Variants in DOCK3 observed in about 807,000 individuals in gnomAD.
DOCK3 encodes the protein dedicator of cytokinesis 3, also known as dedicator of cytokinesis protein 3.
DOCK3 carries 60 observed loss-of-function variants against 265.6 expected under a neutral mutation model. The ratio of observed to expected loss-of-function variants is 0.23; its 90% CI spans 0.18 to 0.28. DOCK3 has a LOEUF of 0.28. Among genes scored for constraint, DOCK3 ranks in the 10% least tolerant of loss-of-function variants. The pLI, the probability that DOCK3 is intolerant of heterozygous loss-of-function variation, is 1.00. For synonymous variants in DOCK3, 881 were observed against 938.0 expected, an observed-to-expected ratio of 0.94 and a Z score of 1.11; for missense variants, 1,981 against 2,594.3, an observed-to-expected ratio of 0.76 and a Z score of 5.14.
intron 27 of DOCK3, among the ~76,000 whole-genome samples, chr3:51,282,133 G>A (rs2081158846): frequency 6.6e-6 from 1 of 152,154 alleles, no homozygotes; most frequent in Admixed American, 6.5e-5. Context: ...CTTCCCAAAA[G>A]AGTCAAAGGC....
At chr3:51,080,046 A>C (rs887955067) in intron 7 of DOCK3, among the ~76,000 whole-genome samples, 1 of 152,248 alleles carries the variant, frequency 6.6e-6, no homozygotes, top group African/African-American at 2.4e-5. Context: ...TAGATTATTT[A>C]CTAAAAATCA....
At chr3:51,221,261 A>G (rs962409490) in intron 14 of DOCK3, among the ~76,000 whole-genome samples, 1 of 152,138 alleles carries the variant, frequency 6.6e-6, no homozygotes, top group African/African-American at 2.4e-5. Context: ...TTCTCCCAGT[A>G]GCTGTTTGTC....
chr3:50,816,700 CTA>C, intron 2 of DOCK3, among the ~76,000 whole-genome samples: 1 of 152,196 alleles, frequency 6.6e-6, no homozygotes, highest in South Asian at 2.1e-4. Context: ...CTAATCTTTT[CTA>C]TGTCTTTATC....
intron 27 of DOCK3, among the ~76,000 whole-genome samples, chr3:51,293,287 C>T (rs1035223304): frequency 2.0e-5 from 3 of 152,084 alleles, no homozygotes; most frequent in Non-Finnish European, 1.5e-5. Context: ...ACACATTGAC[C>T]AATAGAAGAG....
rs1404144891 is a variant in DOCK3 at position 51,106,247 on chromosome 3, T to A, written c.746+15863T>A. On this transcript the variant is annotated intron_variant, in intron 9 of 52. Coordinates refer to ENST00000266037, the MANE Select transcript of DOCK3 (RefSeq NM_004947.5). ...GCTAGCCTCTCCCAGGGCCCCAGCC[T>A]GGCTGTGCCTGCATCAGTGCAGCCC... Among the ~76,000 whole-genome samples, 3 of 152,218 alleles carry A rather than the reference T, an allele frequency of 2.0e-5. No individual in the cohort carries two copies. The East Asian group carries it at 5.8e-4, about 29-fold the overall frequency.
At chr3:51,264,470 C>T (rs987744181) in intron 23 of DOCK3, among the ~76,000 whole-genome samples, 1 of 152,004 alleles carries the variant, frequency 6.6e-6, no homozygotes, top group Admixed American at 6.6e-5. Context: ...AAATTGACAC[C>T]CAAACATCAC....
intron 5 of DOCK3, among the ~76,000 whole-genome samples, chr3:51,053,078 G>GAGATAT (rs1553745810): frequency 3.7e-4 from 16 of 43,802 alleles, no homozygotes; most frequent in Non-Finnish European, 5.1e-4. Flanking sequence ...AAAAGTCAAA[G>GAGATAT]ATATATATAT....
At chr3:51,064,304 A>G in intron 5 of DOCK3, 144 bp from the exon 6 acceptor site, 1 of 1,052,466 alleles carries the variant, frequency 9.5e-7, no homozygotes, top group Non-Finnish European at 1.4e-6. Flanking sequence ...AATGACTTTC[A>G]GACTTTAAAA....
chr3:50,844,898 C>T (rs905621536), intron 3 of DOCK3, among the ~76,000 whole-genome samples: 1 of 152,086 alleles, frequency 6.6e-6, no homozygotes, highest in Non-Finnish European at 1.5e-5. Flanking sequence ...TGCCAAAATG[C>T]CATGTTATGT....
Position 50,907,889 on chromosome 3 carries a change from A to G in DOCK3, c.218+17808A>G, listed in dbSNP as rs150704847. On this transcript the variant is annotated intron_variant, in intron 4 of 52. Coordinates refer to ENST00000266037, the MANE Select transcript of DOCK3 (RefSeq NM_004947.5). ...ATGGTAGGCTATTTATTACTGCCTC[A>G]ATTTCAGAGCTTGTTGTTGGTCTAT... 7.7e-3 allele frequency among the ~76,000 whole-genome samples: 1,165 copies of G among 152,064 alleles called. 22 individuals carry two copies. The highest frequency in any genetic ancestry group is 0.027 in the African/African-American group (1,121 of 41,398).
At chr3:51,020,340 G>T (rs1289387675) in intron 5 of DOCK3, among the ~76,000 whole-genome samples, 3 of 151,672 alleles carry the variant, frequency 2.0e-5, no homozygotes, top group Non-Finnish European at 4.4e-5. Context: ...TCGTAAGTTT[G>T]TTTGAGTTCC....
chr3:51,338,502 A>G, intron 36 of DOCK3, 83 bp downstream of exon 36: 3 of 1,476,038 alleles, frequency 2.0e-6, no homozygotes, highest in Non-Finnish European at 1.9e-6. Flanking sequence ...CCCTTCTACA[A>G]TACATGGCTG....
intron 2 of DOCK3, among the ~76,000 whole-genome samples, chr3:50,779,938 A>G (rs959693841): frequency 3.3e-5 from 5 of 152,186 alleles, no homozygotes; most frequent in African/African-American, 1.2e-4. Context: ...CTCAGATGGT[A>G]TAATGAAGTA....
intron 35 of DOCK3, among the ~76,000 whole-genome samples, chr3:51,337,391 T>C (rs1206049877): frequency 6.6e-6 from 1 of 152,224 alleles, no homozygotes; most frequent in Non-Finnish European, 1.5e-5. Flanking sequence ...TGTACTGCTC[T>C]TCACTGGGCC....
At chr3:50,966,748 G>C (rs1355470537) in intron 5 of DOCK3, among the ~76,000 whole-genome samples, 18 of 152,080 alleles carry the variant, frequency 1.2e-4, no homozygotes, top group Admixed American at 1.2e-3. Context: ...TGCTGATTGG[G>C]TGTCTGCACT....
chr3:51,045,659 A>G (rs924802369), intron 5 of DOCK3, among the ~76,000 whole-genome samples: 2 of 152,062 alleles, frequency 1.3e-5, no homozygotes, highest in African/African-American at 4.8e-5. Context: ...GTCTATTTTT[A>G]TTTCTCATCT....
chr3:50,906,985 C>G (rs976131270), intron 4 of DOCK3, among the ~76,000 whole-genome samples: 1 of 152,138 alleles, frequency 6.6e-6, no homozygotes, highest in Admixed American at 6.5e-5. Flanking sequence ...CAAAGAACAT[C>G]TTTATTTCTG....
intron 5 of DOCK3, among the ~76,000 whole-genome samples, chr3:51,058,224 TG>T (rs1238568973): frequency 6.6e-6 from 1 of 152,210 alleles, no homozygotes; most frequent in African/African-American, 2.4e-5. Context: ...GGCTGAGAAC[TG>T]GCCTAGCTCA....
At chr3:50,854,155 G>A (rs985770885) in intron 3 of DOCK3, among the ~76,000 whole-genome samples, 1 of 151,674 alleles carries the variant, frequency 6.6e-6, no homozygotes, top group Non-Finnish European at 1.5e-5. Context: ...TTTTTAATGG[G>A]GATATTTGTA....
Sources: gnomAD v4.1 joint callset for allele counts (sites outside exome capture counted in the v4.1 genomes callset) on GRCh38, gnomAD v4.1.1 for gene constraint, MANE v1.5 for transcripts, NCBI Gene and HGNC (gene_info 2026-07-23, HGNC 2026-07-21) for gene names.